The following TTC27 variants were observed in gnomAD, a reference collection of about 807,000 sequenced individuals.
TTC27 encodes the protein tetratricopeptide repeat protein 27.
TTC27 carries 79 observed loss-of-function variants against 115.9 expected under a neutral mutation model. That is an observed-to-expected ratio of 0.68 (90% CI 0.57 to 0.82). TTC27 has a LOEUF of 0.82. TTC27 is among the 40% of genes least tolerant of loss of function. The pLI is 0.00. For synonymous variants in TTC27, 401 were observed against 356.0 expected, an observed-to-expected ratio of 1.13 and a Z score of -1.42; for missense variants, 1,054 against 993.1, an observed-to-expected ratio of 1.06 and a Z score of -0.82.
At chr2:32,629,664 C>T (rs1206009826) in intron 1 of TTC27, among the ~76,000 whole-genome samples, 7 of 151,662 alleles carry the variant, frequency 4.6e-5, no homozygotes, top group Non-Finnish European at 1.5e-5. Context: ...TGGTCTCGAT[C>T]TCCTGACGTC....
intron 9 of TTC27, among the ~76,000 whole-genome samples, chr2:32,680,356 G>A (rs554614068): frequency 3.7e-4 from 56 of 152,246 alleles, no homozygotes; most frequent in African/African-American, 1.3e-3. Context: ...TATTGTACTA[G>A]TCATTGGGGA....
At position 32,797,534 on chromosome 2, in the gene TTC27, G is replaced by T. The variant is rs562872269; in HGVS notation, c.1998+10385G>T. Among the ~76,000 whole-genome samples the T allele has an allele frequency of 5.9e-5, 9 of 152,244 alleles. No individual in the cohort carries two copies. The South Asian group carries it at 1.9e-3, about 32-fold the overall frequency. ...TTCAATGGGGAAATTTCAACAAATT[G>T]TCCTGGGAAAACTGCATATCCACAT... On this transcript the variant is annotated intron_variant, in intron 16 of 19. Transcript: ENST00000317907.
At chr2:32,772,300 A>G (rs757733634) in intron 13 of TTC27, among the ~76,000 whole-genome samples, 6 of 152,124 alleles carry the variant, frequency 3.9e-5, no homozygotes, top group Non-Finnish European at 8.8e-5. Flanking sequence ...TTCCTTTGTA[A>G]GCATCATTTT....
intron 9 of TTC27, among the ~76,000 whole-genome samples, chr2:32,686,226 A>C (rs1408829815): frequency 2.0e-5 from 3 of 152,236 alleles, no homozygotes. Context: ...CGGAAGGCTC[A>C]GTATGTTGAA....
At chr2:32,633,725 T>G (rs1664303888) in intron 2 of TTC27, 151 bp from the exon 3 acceptor site, 2 of 920,768 alleles carry the variant, frequency 2.2e-6, no homozygotes, top group African/African-American at 1.7e-5. Flanking sequence ...TTTTAAGTTT[T>G]AGAAATTTTT....
In TTC27 at chr2:32,704,739, C is replaced by T. The variant is rs75557042; in HGVS notation, c.1233+1819C>T. The T allele has an allele frequency of 8.2e-3, 3,277 of 399,422 alleles. 18 individuals carry two copies. The highest frequency in any genetic ancestry group is 0.013 in the Middle Eastern group (36 of 2,734). 24.7% of individuals were successfully genotyped at this position (399,422 alleles called of 1,614,324 possible). On this transcript the variant is annotated intron_variant, in intron 10 of 19. Transcript: ENST00000317907. ...GTTTGATGCTTTTGAAGATTATGGG[C>T]TAGTTATTTTGGAGACTGCCCTTCA...
intron 8 of TTC27, among the ~76,000 whole-genome samples, chr2:32,675,622 A>T (rs1666168856): frequency 6.6e-6 from 1 of 152,140 alleles, no homozygotes; most frequent in Admixed American, 6.5e-5. Context: ...TAATGAATTT[A>T]TGATTTGCAT....
chr2:32,662,411 G>T (rs1055014340), intron 5 of TTC27, among the ~76,000 whole-genome samples: 1 of 152,066 alleles, frequency 6.6e-6, no homozygotes, highest in Non-Finnish European at 1.5e-5. Flanking sequence ...GCTTTTTTTG[G>T]TTGGTAGGCT....
chr2:32,664,889 G>A (rs529102537), intron 6 of TTC27, among the ~76,000 whole-genome samples: 1 of 151,256 alleles, frequency 6.6e-6, no homozygotes, highest in Admixed American at 6.6e-5. Context: ...CTGGAGTGCA[G>A]TGGCGTGATC....
intron 5 of TTC27, among the ~76,000 whole-genome samples, chr2:32,653,902 ACCTTG>A (rs1665225446): frequency 2.6e-5 from 4 of 152,270 alleles, no homozygotes; most frequent in Admixed American, 2.6e-4. Context: ...CCTAATGTAA[ACCTTG>A]AGTTATCTAT....
chr2:32,657,403 G>T (rs980432528), intron 5 of TTC27, among the ~76,000 whole-genome samples: 12 of 148,876 alleles, frequency 8.1e-5, no homozygotes, highest in African/African-American at 2.7e-4. Context: ...GCCCAAGCTG[G>T]AGTGCAGTGG....
chr2:32,646,350 G>A (rs369087820), intron 4 of TTC27, among the ~76,000 whole-genome samples: 2 of 151,722 alleles, frequency 1.3e-5, no homozygotes, highest in African/African-American at 2.4e-5. Flanking sequence ...TTTTATTTTT[G>A]TAGAGATGGG....
intron 4 of TTC27, among the ~76,000 whole-genome samples, chr2:32,649,321 A>G (rs1177823617): frequency 6.6e-6 from 1 of 152,076 alleles, no homozygotes; most frequent in Non-Finnish European, 1.5e-5. Flanking sequence ...TGAATAAGAC[A>G]TGATTTCTTA....
chr2:32,783,099 ATAC>A (rs1670236498), intron 15 of TTC27, among the ~76,000 whole-genome samples: 2 of 152,336 alleles, frequency 1.3e-5, no homozygotes, highest in South Asian at 4.1e-4. Flanking sequence ...AAAAAATAAA[ATAC>A]TACGCCATCT....
chr2:32,676,649 C>T (rs932182591), intron 8 of TTC27, among the ~76,000 whole-genome samples: 1 of 151,944 alleles, frequency 6.6e-6, no homozygotes, highest in Admixed American at 6.6e-5. Context: ...TGGCACCATG[C>T]CCAGCTAATT....
At chr2:32,660,086 G>A (rs1007033041) in intron 5 of TTC27, among the ~76,000 whole-genome samples, 8 of 152,096 alleles carry the variant, frequency 5.3e-5, no homozygotes, top group East Asian at 1.9e-4. Flanking sequence ...TTGAAGAATC[G>A]CCACACTGTG....
At chr2:32,726,572 T>C (rs1668114973) in intron 10 of TTC27, among the ~76,000 whole-genome samples, 1 of 152,178 alleles carries the variant, frequency 6.6e-6, no homozygotes, top group Non-Finnish European at 1.5e-5. Flanking sequence ...ATTATCAGCA[T>C]TTTGGTCAAA....
chr2:32,760,232 T>G (rs1669389064), intron 13 of TTC27, among the ~76,000 whole-genome samples: 1 of 151,868 alleles, frequency 6.6e-6, no homozygotes, highest in Non-Finnish European at 1.5e-5. Flanking sequence ...GAGAAGAGAG[T>G]AGGACAGGTG....
chr2:32,720,861 A>C (rs1667901422), intron 10 of TTC27, among the ~76,000 whole-genome samples: 1 of 152,206 alleles, frequency 6.6e-6, no homozygotes, highest in Non-Finnish European at 1.5e-5. Flanking sequence ...TTAGCGTCTC[A>C]GAATATTCGT....
Sources: allele counts gnomAD v4.1 joint callset (sites outside exome capture counted in the v4.1 genomes callset), GRCh38; gene constraint gnomAD v4.1.1; transcripts MANE v1.5; gene names NCBI Gene and HGNC (gene_info 2026-07-23, HGNC 2026-07-21).